ANO4: variants seen among roughly 807,000 people sequenced by gnomAD.
The protein encoded by ANO4 is anoctamin 4.
A neutral mutation model predicts 141.9 loss-of-function variants in ANO4; 69 were observed. The observed-to-expected ratio is 0.49, with a 90% confidence interval of 0.40 to 0.59. The LOEUF is 0.59. Ranked by LOEUF, ANO4 falls within the 20% of genes least tolerant of loss-of-function variation. The probability of loss-of-function intolerance (pLI) is 0.00; values close to 1 mark genes in which losing one functional copy is unlikely to be tolerated. For missense variants in ANO4, 894 were observed against 1,162.2 expected (o/e 0.77, Z 3.36); for synonymous variants, 350 against 394.3 (o/e 0.89, Z 1.33).
At chr12:100,849,250 G>C (rs1219764241) in intron 1 of ANO4, among the ~76,000 whole-genome samples, 1 of 152,080 alleles carries the variant, frequency 6.6e-6, no homozygotes, top group Non-Finnish European at 1.5e-5. Flanking sequence ...AATTGAGATT[G>C]GGAATATTAA....
At chr12:100,796,288 G>A (rs1270843557) in intron 1 of ANO4, among the ~76,000 whole-genome samples, 1 of 152,020 alleles carries the variant, frequency 6.6e-6, no homozygotes, top group East Asian at 1.9e-4. Context: ...GATAAGTGAG[G>A]GGAGAGAATG....
intron 14 of ANO4, among the ~76,000 whole-genome samples, chr12:101,054,393 A>G (rs991003037): frequency 6.6e-6 from 1 of 152,250 alleles, no homozygotes; most frequent in Non-Finnish European, 1.5e-5. Flanking sequence ...AACTTTAAGT[A>G]TAATTTATGT....
At chr12:101,037,019 C>G in intron 9 of ANO4, 76 bp from the exon 10 acceptor site, 1 of 1,440,450 alleles carries the variant, frequency 6.9e-7, no homozygotes, top group Middle Eastern at 1.8e-4. Flanking sequence ...CAAAAAGCAC[C>G]ACACTTATAT....
intron 22 of ANO4, among the ~76,000 whole-genome samples, chr12:101,104,660 TATATATATATAA>T (rs201810630): frequency 0.016 from 1,003 of 62,260 alleles, 23 homozygotes; most frequent in African/African-American, 0.096. Flanking sequence ...TATATATATA[TATATATATATAA>T]ATAAAAAGAT....
intron 3 of ANO4, among the ~76,000 whole-genome samples, chr12:100,767,949 T>C (rs146267095): frequency 0.012 from 1,898 of 151,964 alleles, 25 homozygotes; most frequent in African/African-American, 0.043. Flanking sequence ...GGGGAGCTAG[T>C]GGGGCAAGCC....
chr12:101,026,624 C>A (rs576870554), intron 9 of ANO4, among the ~76,000 whole-genome samples: 1 of 152,192 alleles, frequency 6.6e-6, no homozygotes, highest in African/African-American at 2.4e-5. Flanking sequence ...TGACTTGAGA[C>A]AAAGGGTCGA....
At chr12:100,806,523 CGTTTTTTTTTTTTTTTTTTT>C (rs1383021712) in intron 1 of ANO4, among the ~76,000 whole-genome samples, 28 of 44,982 alleles carry the variant, frequency 6.2e-4, no homozygotes, top group South Asian at 1.9e-3. Context: ...TTTTTTGTTT[CGTTTTTTTTTTTTTTTTTTT>C]TTTTTTTTTT....
intron 7 of ANO4, among the ~76,000 whole-genome samples, 188 bp downstream of exon 7, chr12:100,975,077 C>T (rs2044103073): frequency 6.6e-6 from 1 of 152,062 alleles, no homozygotes; most frequent in South Asian, 2.1e-4. Context: ...CGTCCCTCTC[C>T]GCGTCTTCCC....
chr12:100,838,887 A>G (rs2037087817), intron 1 of ANO4, among the ~76,000 whole-genome samples: 3 of 152,128 alleles, frequency 2.0e-5, no homozygotes, highest in African/African-American at 4.8e-5. Flanking sequence ...TAAAGCCTGA[A>G]GGAAGATGTG....
intron 14 of ANO4, among the ~76,000 whole-genome samples, chr12:101,064,668 TAATAA>T (rs2048501163): frequency 2.3e-5 from 2 of 87,496 alleles, no homozygotes; most frequent in African/African-American, 1.3e-4. Context: ...AGTATTATAA[TAATAA>T]TAATAATAAT....
At chr12:100,953,610 G>A (rs981139218) in intron 5 of ANO4, among the ~76,000 whole-genome samples, 3 of 152,128 alleles carry the variant, frequency 2.0e-5, no homozygotes, top group African/African-American at 7.2e-5. Context: ...TTGAAGGAAG[G>A]GAGGCATTAA....
chr12:100,876,880 A>G (rs1325192526), intron 1 of ANO4, among the ~76,000 whole-genome samples: 2 of 152,322 alleles, frequency 1.3e-5, no homozygotes, highest in Non-Finnish European at 2.9e-5. Context: ...TTGAAATCAA[A>G]TAATGTGATG....
intron 9 of ANO4, among the ~76,000 whole-genome samples, chr12:101,022,981 C>T (rs1157757418): frequency 3.9e-5 from 6 of 152,180 alleles, no homozygotes; most frequent in South Asian, 2.1e-4. Context: ...TCTTGTGATC[C>T]GCCTGCCTCG....
intron 1 of ANO4, among the ~76,000 whole-genome samples, chr12:100,887,421 C>A (rs925891844): frequency 6.6e-6 from 1 of 152,134 alleles, no homozygotes; most frequent in African/African-American, 2.4e-5. Context: ...CCATGCTACT[C>A]TCTTATGAAA....
chr12:100,810,719 A>T (rs2035370047), intron 1 of ANO4, among the ~76,000 whole-genome samples: 1 of 152,082 alleles, frequency 6.6e-6, no homozygotes, highest in Non-Finnish European at 1.5e-5. Flanking sequence ...ATAACTGCTA[A>T]GTGTAGATTA....
At chr12:100,912,587 A>C (rs147608042) in intron 2 of ANO4, among the ~76,000 whole-genome samples, 2 of 152,202 alleles carry the variant, frequency 1.3e-5, no homozygotes, top group African/African-American at 4.8e-5. Context: ...CACGGTGTCA[A>C]CTTTTTATCT....
chr12:101,015,310 C>T (rs1011614613), intron 8 of ANO4, among the ~76,000 whole-genome samples: 4 of 152,268 alleles, frequency 2.6e-5, no homozygotes, highest in African/African-American at 9.6e-5. Context: ...ATATGCCTAT[C>T]AACATATTCA....
intron 26 of ANO4, among the ~76,000 whole-genome samples, chr12:101,121,753 C>CTTTTT (rs71091478): frequency 9.1e-6 from 1 of 110,452 alleles, no homozygotes; most frequent in African/African-American, 4.1e-5. Context: ...AATTTGTTTA[C>CTTTTT]TTTTTTTTTT....
chr12:101,000,461 T>C (rs1310761245), intron 8 of ANO4, among the ~76,000 whole-genome samples: 2 of 152,234 alleles, frequency 1.3e-5, no homozygotes, highest in African/African-American at 4.8e-5. Flanking sequence ...TTTTCATCGA[T>C]CTGAAATCTT....
Sources: allele counts gnomAD v4.1 joint callset (sites outside exome capture counted in the v4.1 genomes callset), GRCh38; gene constraint gnomAD v4.1.1; transcripts MANE v1.5; gene names NCBI Gene and HGNC (gene_info 2026-07-23, HGNC 2026-07-21).